The following PDE4D variants were observed in gnomAD, a reference collection of about 807,000 sequenced individuals.
PDE4D encodes the protein 3',5'-cyclic-AMP phosphodiesterase 4D.
In PDE4D, 24 loss-of-function variants were observed where a neutral mutation model predicts 87.4. That is an observed-to-expected ratio of 0.27 (90% CI 0.20 to 0.39). The LOEUF (loss-of-function observed/expected upper bound fraction) is 0.39, where lower values mean the gene tolerates loss of function less well. Among genes scored for constraint, PDE4D ranks in the 10% least tolerant of loss-of-function variants. The probability of loss-of-function intolerance (pLI) is 1.00; values close to 1 mark genes in which losing one functional copy is unlikely to be tolerated. For missense variants in PDE4D, 714 were observed against 1,041.0 expected (o/e 0.69, Z 4.32); for synonymous variants, 384 against 383.2 (o/e 1.00, Z -0.02).
chr5:59,680,567 G>A (rs1040724796), intron 1 of PDE4D, among the ~76,000 whole-genome samples: 9 of 152,178 alleles, frequency 5.9e-5, no homozygotes, highest in African/African-American at 1.9e-4. Flanking sequence ...TAACAGAACC[G>A]TGAAGTGAGT....
chr5:59,574,079 TATA>T (rs1399436127), intron 1 of PDE4D, among the ~76,000 whole-genome samples: 96,499 of 114,264 alleles, frequency 0.84, 41,239 homozygotes, highest in Admixed American at 0.91. Flanking sequence ...TATTTATATA[TATA>T]TTTATATATA....
rs183240946 is a variant in PDE4D at position 59,409,911 on chromosome 5, G to A, written c.456-193943C>T. ...ATTTTTCTGAAGAAGAATTCTTCTT[G>A]GTTATTTTTATTTTTAATTTTAATT... On this transcript the variant is annotated intron_variant, in intron 1 of 14. Transcript: ENST00000340635. 3.3e-5 allele frequency among the ~76,000 whole-genome samples: 5 copies of A among 152,004 alleles called. No individual in the cohort carries two copies. The East Asian group carries it at 9.7e-4, about 29-fold the overall frequency.
chr5:60,201,923 G>T (rs1741964162), intron 1 of PDE4D, among the ~76,000 whole-genome samples: 1 of 152,074 alleles, frequency 6.6e-6, no homozygotes, highest in African/African-American at 2.4e-5. Context: ...TGGAACACAG[G>T]ATAATCAATT....
At chr5:60,193,653 C>A (rs570827980) in intron 1 of PDE4D, among the ~76,000 whole-genome samples, 133 of 102,100 alleles carry the variant, frequency 1.3e-3, no homozygotes, top group Non-Finnish European at 2.1e-3. Flanking sequence ...GCCTGGGCGA[C>A]AGCGAGACTC....
chr5:59,566,403 A>C (rs1820890750), intron 1 of PDE4D, among the ~76,000 whole-genome samples: 1 of 152,154 alleles, frequency 6.6e-6, no homozygotes. Flanking sequence ...CTGATCCTGC[A>C]AATCACAGCC....
chr5:59,671,225 T>C (rs962600365), intron 1 of PDE4D, among the ~76,000 whole-genome samples: 2 of 152,160 alleles, frequency 1.3e-5, no homozygotes, highest in African/African-American at 2.4e-5. Context: ...ATAGCCTTGA[T>C]TGCCTGCTTT....
chr5:59,145,925 G>A (rs1778574339), intron 5 of PDE4D, among the ~76,000 whole-genome samples: 1 of 152,150 alleles, frequency 6.6e-6, no homozygotes, highest in African/African-American at 2.4e-5. Context: ...TCAGGAGTTT[G>A]AAACCAGCCT....
intron 1 of PDE4D, among the ~76,000 whole-genome samples, chr5:59,715,367 C>T (rs1754857305): frequency 6.6e-6 from 1 of 152,230 alleles, no homozygotes; most frequent in African/African-American, 2.4e-5. Context: ...CATGCTGAGC[C>T]TTCACCATTT....
At chr5:60,189,677 T>G (rs899558631) in intron 1 of PDE4D, among the ~76,000 whole-genome samples, 1 of 152,224 alleles carries the variant, frequency 6.6e-6, no homozygotes, top group African/African-American at 2.4e-5. Context: ...TAAGAAGAAT[T>G]CTTTAATCTC....
intron 6 of PDE4D, among the ~76,000 whole-genome samples, chr5:58,998,750 G>A (rs1447861065): frequency 6.6e-6 from 1 of 152,080 alleles, no homozygotes; most frequent in African/African-American, 2.4e-5. Context: ...TCAAGCGAGT[G>A]GCTCAAATAC....
chr5:60,077,634 A>G (rs1773454690), intron 2 of PDE4D, among the ~76,000 whole-genome samples: 1 of 152,120 alleles, frequency 6.6e-6, no homozygotes, highest in Non-Finnish European at 1.5e-5. Flanking sequence ...CAGTTCCCCT[A>G]GGGCTACAGT....
intron 1 of PDE4D, among the ~76,000 whole-genome samples, chr5:59,565,245 A>C (rs930853384): frequency 7.2e-5 from 11 of 152,206 alleles, no homozygotes; most frequent in South Asian, 2.1e-4. Context: ...TGGGCCAGGC[A>C]CAGTGGATAA....
At chr5:59,740,777 T>A (rs968134242) in intron 1 of PDE4D, among the ~76,000 whole-genome samples, 9 of 152,282 alleles carry the variant, frequency 5.9e-5, no homozygotes, top group African/African-American at 2.2e-4. Context: ...ACTCTCCTTT[T>A]AAATTAGAGG....
At chr5:59,023,513 C>T (rs796787696) in intron 6 of PDE4D, among the ~76,000 whole-genome samples, 16 of 151,784 alleles carry the variant, frequency 1.1e-4, no homozygotes, top group Admixed American at 2.0e-4. Context: ...ACAGAAAAGC[C>T]GGTCTGGTGG....
chr5:59,294,400 C>G (rs1298011908), intron 1 of PDE4D, among the ~76,000 whole-genome samples: 1 of 152,100 alleles, frequency 6.6e-6, no homozygotes, highest in South Asian at 2.1e-4. Flanking sequence ...CAAATGGTGA[C>G]ATAATGTAAC....
At chr5:59,508,051 A>C (rs1809603032) in intron 1 of PDE4D, among the ~76,000 whole-genome samples, 2 of 152,192 alleles carry the variant, frequency 1.3e-5, no homozygotes, top group South Asian at 4.1e-4. Flanking sequence ...TGAGGCTTGA[A>C]ATTAAGAAAG....
chr5:60,049,179 T>C (rs995865856), intron 2 of PDE4D, among the ~76,000 whole-genome samples: 1 of 152,248 alleles, frequency 6.6e-6, no homozygotes, highest in Non-Finnish European at 1.5e-5. Flanking sequence ...GCTTCTGCAT[T>C]CTTCATGTAG....
At chr5:59,786,102 C>T (rs956537365) in intron 1 of PDE4D, among the ~76,000 whole-genome samples, 13 of 152,242 alleles carry the variant, frequency 8.5e-5, no homozygotes, top group African/African-American at 3.1e-4. Context: ...CTCCCCTCTC[C>T]CCATCCCCGG....
chr5:60,239,569 A>G (rs1163917448), intron 1 of PDE4D, among the ~76,000 whole-genome samples: 1 of 152,130 alleles, frequency 6.6e-6, no homozygotes, highest in African/African-American at 2.4e-5. Context: ...TGCTTTAAGT[A>G]TAGTATATCT....
Sources: allele counts gnomAD v4.1 joint callset (sites outside exome capture counted in the v4.1 genomes callset), GRCh38; gene constraint gnomAD v4.1.1; transcripts MANE v1.5; gene names NCBI Gene and HGNC (gene_info 2026-07-23, HGNC 2026-07-21).